The following CALN1 variants were observed in gnomAD, a reference collection of about 807,000 sequenced individuals.
CALN1 encodes calneuron 1.
In CALN1, 17 loss-of-function variants were observed where a neutral mutation model predicts 30.6. The observed-to-expected ratio is 0.56, with a 90% CI of 0.38 to 0.83. CALN1 has a LOEUF of 0.83. Among genes scored for constraint, CALN1 ranks in the 40% least tolerant of loss-of-function variants. The probability of loss-of-function intolerance (pLI) is 0.00; values close to 1 mark genes in which losing one functional copy is unlikely to be tolerated. For missense variants in CALN1, 291 were observed against 354.9 expected (o/e 0.82, Z 1.45); for synonymous variants, 156 against 131.4 (o/e 1.19, Z -1.28).
At chr7:72,046,632 C>T (rs951958708) in intron 4 of CALN1, among the ~76,000 whole-genome samples, 2 of 146,368 alleles carry the variant, frequency 1.4e-5, no homozygotes, top group Admixed American at 7.0e-5. Context: ...ATCACTTGAA[C>T]CCAGGAGGCA....
In CALN1 at chr7:72,329,451, AG is replaced by A. The variant is rs527765300; in HGVS notation, c.120-50642del. On this transcript the variant is annotated intron_variant, in intron 2 of 6. Coordinates refer to ENST00000395275, the MANE Select transcript of CALN1 (RefSeq NM_031468.4). ...ACTCAGTATCAAACCCAAACTCCAC[AG>A]GGTGACCCTATATGAGCTAGCCCCC... Among the ~76,000 whole-genome samples, 104 of 152,294 alleles carry A rather than the reference AG, an allele frequency of 6.8e-4. No homozygotes were observed. The Middle Eastern group carries it at 0.017, about 25-fold the overall frequency.
chr7:72,397,932 G>T (rs181145188), intron 2 of CALN1, among the ~76,000 whole-genome samples: 1 of 152,204 alleles, frequency 6.6e-6, no homozygotes, highest in South Asian at 2.1e-4. Context: ...AGCATGCCAC[G>T]TGAGGTACAC....
chr7:72,090,404 G>A (rs1805775561), intron 4 of CALN1, among the ~76,000 whole-genome samples: 1 of 152,116 alleles, frequency 6.6e-6, no homozygotes, highest in African/African-American at 2.4e-5. Context: ...GTAGCAGAGG[G>A]AATTTTAAAA....
chr7:71,801,952 C>A (rs190374749), intron 6 of CALN1, among the ~76,000 whole-genome samples: 1 of 151,040 alleles, frequency 6.6e-6, no homozygotes, highest in South Asian at 2.1e-4. Context: ...CACTCCAGCC[C>A]GGGCAACAGA....
intron 2 of CALN1, among the ~76,000 whole-genome samples, chr7:72,318,098 T>C (rs1476048050): frequency 6.6e-6 from 1 of 152,118 alleles, no homozygotes; most frequent in African/African-American, 2.4e-5. Flanking sequence ...GATCTGGAAA[T>C]TTCACTCAAA....
At chr7:72,243,095 A>G (rs1244128128) in intron 3 of CALN1, among the ~76,000 whole-genome samples, 2 of 152,162 alleles carry the variant, frequency 1.3e-5, no homozygotes, top group African/African-American at 2.4e-5. Flanking sequence ...TTAATTCCCA[A>G]TGTGATGATA....
intron 4 of CALN1, among the ~76,000 whole-genome samples, chr7:72,099,555 A>AGT (rs1806496212): frequency 6.6e-6 from 1 of 152,040 alleles, no homozygotes; most frequent in Admixed American, 6.6e-5. Context: ...GTACCTGAGA[A>AGT]GTTTACTCAT....
chr7:72,405,071 A>G (rs547497343), intron 1 of CALN1, among the ~76,000 whole-genome samples: 1 of 152,126 alleles, frequency 6.6e-6, no homozygotes, highest in East Asian at 1.9e-4. Context: ...TGGTTCCCCA[A>G]TGGTTGTGGG....
At chr7:71,818,031 A>G (rs1167870057) in intron 5 of CALN1, among the ~76,000 whole-genome samples, 1 of 152,130 alleles carries the variant, frequency 6.6e-6, no homozygotes, top group Non-Finnish European at 1.5e-5. Context: ...AATCCAACAA[A>G]TGGTTATTGG....
rs984320040 is a variant in CALN1 at position 72,137,780 on chromosome 7, A to G, written c.245-31486T>C. On this transcript the variant is annotated intron_variant, in intron 3 of 6. Coordinates refer to ENST00000395275, the MANE Select transcript of CALN1 (RefSeq NM_031468.4). The stretch of plus-strand genomic sequence containing the variant: ...GCTGTAGCGTCTTTGTGAAAAATAT[A>G]CTCTAGCATATTCAACAGTGGAGGA... Among the ~76,000 whole-genome samples the G allele has an allele frequency of 5.3e-5, 8 of 152,320 alleles. No individual in the cohort carries two copies. The East Asian group carries it at 5.8e-4, about 11-fold the overall frequency.
intron 3 of CALN1, among the ~76,000 whole-genome samples, chr7:72,228,764 TATTTATTTATTTATTG>T (rs2129550426): frequency 6.7e-6 from 1 of 148,386 alleles, no homozygotes; most frequent in African/African-American, 2.6e-5. Context: ...TTTATTTATT[TATTTATTTATTTATTG>T]AGACAAGGTC....
intron 3 of CALN1, among the ~76,000 whole-genome samples, chr7:72,257,661 A>G (rs1385527595): frequency 6.6e-6 from 1 of 152,206 alleles, no homozygotes; most frequent in African/African-American, 2.4e-5. Context: ...ACACAAGCAC[A>G]CACGTTTATA....
At chr7:72,407,413 T>A (rs948956156) in intron 1 of CALN1, among the ~76,000 whole-genome samples, 1 of 152,236 alleles carries the variant, frequency 6.6e-6, no homozygotes, top group Non-Finnish European at 1.5e-5. Context: ...TGGGGCCTGG[T>A]AACAGGTGAC....
At chr7:72,045,137 T>TG (rs1454902182) in intron 4 of CALN1, among the ~76,000 whole-genome samples, 2 of 152,208 alleles carry the variant, frequency 1.3e-5, no homozygotes, top group Non-Finnish European at 2.9e-5. Context: ...TGAATGAATC[T>TG]GGGGAAACGT....
At chr7:72,061,211 T>C (rs1023022931) in intron 4 of CALN1, among the ~76,000 whole-genome samples, 3 of 152,120 alleles carry the variant, frequency 2.0e-5, no homozygotes, top group African/African-American at 7.2e-5. Context: ...TAACGTAATA[T>C]TCAAAATGTC....
At chr7:72,034,120 G>A (rs974056326) in intron 4 of CALN1, among the ~76,000 whole-genome samples, 31 of 152,092 alleles carry the variant, frequency 2.0e-4, no homozygotes, top group South Asian at 1.9e-3. Flanking sequence ...TTGGGAGGCC[G>A]AGGTGGGCGT....
chr7:71,948,996 T>C (rs1387950172), intron 5 of CALN1, among the ~76,000 whole-genome samples: 1 of 134,744 alleles, frequency 7.4e-6, no homozygotes, highest in Non-Finnish European at 1.5e-5. Context: ...TGAGCTGTGA[T>C]GGCACCACTG....
chr7:72,443,737 C>G (rs986948031), intron 1 of CALN1, among the ~76,000 whole-genome samples: 4 of 151,922 alleles, frequency 2.6e-5, no homozygotes, highest in East Asian at 3.9e-4. Context: ...TACTTGAGAA[C>G]AGGGGGCAGC....
At chr7:71,875,511 G>C (rs1792192412) in intron 5 of CALN1, among the ~76,000 whole-genome samples, 1 of 152,172 alleles carries the variant, frequency 6.6e-6, no homozygotes, top group African/African-American at 2.4e-5. Context: ...AGTAATTGAG[G>C]GTCTGGGTCA....
Sources: allele counts gnomAD v4.1 joint callset (sites outside exome capture counted in the v4.1 genomes callset), GRCh38; gene constraint gnomAD v4.1.1; transcripts MANE v1.5; gene names NCBI Gene and HGNC (gene_info 2026-07-23, HGNC 2026-07-21).